RSAD1: variants seen among roughly 807,000 people sequenced by gnomAD.
The protein encoded by RSAD1 is radical S-adenosyl methionine domain-containing protein 1, mitochondrial.
RSAD1 carries 34 observed loss-of-function variants against 46.2 expected under a neutral mutation model. The observed-to-expected ratio is 0.74, with a 90% CI of 0.56 to 0.98. The LOEUF (loss-of-function observed/expected upper bound fraction) is 0.98. Ranked by LOEUF, RSAD1 falls within the 50% of genes least tolerant of loss-of-function variation. RSAD1 has a pLI of 0.00. For missense variants in RSAD1, 635 were observed against 592.3 expected (o/e 1.07, Z -0.75); for synonymous variants, 260 against 253.5 (o/e 1.03, Z -0.24).
At chr17:50,479,159 T>G (rs551264227) in intron 1 of RSAD1, 140 bp downstream of exon 1, 2 of 925,572 alleles carry the variant, frequency 2.2e-6, no homozygotes, top group South Asian at 7.5e-5. Flanking sequence ...AGGTCTGGGA[T>G]GGGACCCTGT....
chr17:50,480,904 A>G (rs116062541), intron 3 of RSAD1, among the ~76,000 whole-genome samples: 2,879 of 152,228 alleles, frequency 0.019, 101 homozygotes, highest in African/African-American at 0.066. Context: ...TTACAAAATT[A>G]TTGTGGTAAG....
chr17:50,484,713 G>T (rs1287304884), intron 8 of RSAD1, 31 bp from the exon 9 acceptor site: 29 of 1,593,782 alleles, frequency 1.8e-5, no homozygotes, highest in Non-Finnish European at 2.5e-5. Context: ...GTAAGATGAA[G>T]TAGTCACCTT....
chr17:50,482,563 T>G, intron 4 of RSAD1, 80 bp from the exon 5 acceptor site: 2 of 1,612,726 alleles, frequency 1.2e-6, no homozygotes, highest in Non-Finnish European at 1.7e-6. Context: ...TGGTGGGACA[T>G]TCTAACCTGG....
At chr17:50,480,786 T>C (rs1480650904) in intron 3 of RSAD1, among the ~76,000 whole-genome samples, 1 of 152,246 alleles carries the variant, frequency 6.6e-6, no homozygotes, top group African/African-American at 2.4e-5. Flanking sequence ...GGTTGTGGGC[T>C]TTGTTCTGAT....
Position 50,485,477 on chromosome 17 carries a change from C to T in RSAD1, c.*616C>T, listed in dbSNP as rs2033441763. Reference sequence around the variant, plus strand: ...ACTGGAAAATGCTCAGAAGATGCTACAAAACCTCATGCCTACTGTCTGCCA... The same window carrying T: ...ACTGGAAAATGCTCAGAAGATGCTATAAAACCTCATGCCTACTGTCTGCCA... On this transcript the variant is annotated 3_prime_UTR_variant, in exon 9 of 9. Transcript: ENST00000258955. 1 of 152,360 alleles carries T rather than the reference C, an allele frequency of 6.6e-6. No homozygotes were observed. Among genetic ancestry groups the T allele is most frequent in the Non-Finnish European group, 1.5e-5 (1 of 68,144 alleles). The allele number at this position is 152,360 out of a possible 1,614,324, so 9.4% of individuals were successfully genotyped here. A position where few individuals can be genotyped will look rare whatever the true frequency, so the allele number is the denominator to read the frequency against.
chr17:50,480,207 G>A (rs1260069358), intron 3 of RSAD1, 123 bp downstream of exon 3: 1 of 945,464 alleles, frequency 1.1e-6, no homozygotes, highest in Non-Finnish European at 1.7e-6. Flanking sequence ...GGACACAGTA[G>A]GGCCTAGTGC....
In RSAD1 at chr17:50,482,354, A is replaced by G. The variant is rs754824851; in HGVS notation, c.738A>G (p.Pro246=). ...LFAQVQRGAL[P]APDPELAAEM... ...CCCAGGTGCAGCGGGGTGCCCTTCCAGCCCCTGACCCGGAGCTCGCAGCTG... is the reference window on the plus strand; with the variant it reads ...CCCAGGTGCAGCGGGGTGCCCTTCCGGCCCCTGACCCGGAGCTCGCAGCTG... Residue 246 remains proline, a synonymous_variant, in exon 4 of 9, where the codon CCA becomes CCG. Transcript: ENST00000258955. 6.2e-7 allele frequency: 1 copy of G among 1,612,126 alleles called. No individual in the cohort carries two copies. Among genetic ancestry groups the G allele is most frequent in the Non-Finnish European group, 8.5e-7 (1 of 1,179,170 alleles).
At chr17:50,483,189 A>AAT in intron 5 of RSAD1, 151 bp from the exon 6 acceptor site, 2 of 264,318 alleles carry the variant, frequency 7.6e-6, no homozygotes, top group Non-Finnish European at 1.1e-5. Context: ...AAAAAAAAAA[A>AAT]AAAGAAAGAA....
rs763441041 is a variant in RSAD1 at position 50,479,612 on chromosome 17, G to A, written c.136-17G>A. On this transcript the variant is annotated splice_polypyrimidine_tract_variant and intron_variant, in intron 1 of 8. Transcript: ENST00000258955. ...CCAGGGCAGCTCTCACCGCGCACGT[G>A]CACTCACTGCCCCCAGTGGCCTTAC... 1.9e-5 allele frequency: 31 copies of A among 1,613,182 alleles called. No homozygotes were observed. Among genetic ancestry groups the A allele is most frequent in the Middle Eastern group, 3.3e-4 (2 of 6,060 alleles).
In RSAD1 at chr17:50,482,235, C is replaced by T. The variant is rs774990479; in HGVS notation, c.619C>T (p.Pro207Ser). 1 of 1,570,186 alleles carries T rather than the reference C, an allele frequency of 6.4e-7. No individual in the cohort carries two copies. Among genetic ancestry groups the T allele is most frequent in the East Asian group, 2.3e-5 (1 of 44,166 alleles). Reference sequence around the variant, plus strand: ...GGGGCTGCCGGCACAGCAGGTGGGGCCGTGGCTTGGGCAGCTGCAGGAACT... The same window carrying T: ...GGGGCTGCCGGCACAGCAGGTGGGGTCGTGGCTTGGGCAGCTGCAGGAACT... ...MLGLPAQQVG[P>S]WLGQLQELLH... The change falls in exon 4 of 9, where the codon CCG (proline) becomes TCG (serine). Residue 207 changes from proline to serine, a missense_variant. By Grantham distance (74) the Pro-to-Ser change is moderately conservative. Coordinates refer to ENST00000258955, the MANE Select transcript of RSAD1 (RefSeq NM_018346.3).
Position 50,484,491 on chromosome 17 carries a change from C to T in RSAD1, c.1157C>T (p.Ala386Val), listed in dbSNP as rs748414626. 38 of 1,613,586 alleles carry T rather than the reference C, an allele frequency of 2.4e-5. No individual in the cohort carries two copies. The highest frequency in any genetic ancestry group is 1.2e-4 in the South Asian group (11 of 91,090). ...PQLTLWDVFG[A>V]NKEVQELLER... ...CTGACCCTGTGGGATGTGTTTGGAG[C>T]GAACAAGGAGGTGCAGGAGCTGCTG... Residue 386 changes from alanine to valine, a missense_variant, in exon 8 of 9, where the codon GCG (alanine) becomes GTG (valine). Physicochemically the swap from Ala to Val is moderately conservative, Grantham distance 64. Transcript: ENST00000258955.
At chr17:50,482,023 C>A (rs994544546) in intron 3 of RSAD1, 68 bp from the exon 4 acceptor site, 3 of 1,471,886 alleles carry the variant, frequency 2.0e-6, no homozygotes, top group Admixed American at 2.5e-5. Flanking sequence ...TCTGTGTCTA[C>A]AATGGGGAGG....
intron 3 of RSAD1, 150 bp downstream of exon 3, chr17:50,480,234 C>T (rs2033367110): frequency 1.4e-6 from 1 of 721,532 alleles, no homozygotes; most frequent in South Asian, 1.7e-5. Flanking sequence ...TTTATAACTC[C>T]TTAATTGTCT....
intron 3 of RSAD1, chr17:50,480,297 C>T: frequency 1.7e-6 from 1 of 584,996 alleles, no homozygotes; most frequent in Admixed American, 3.0e-5. Flanking sequence ...TGTGGCTTTT[C>T]TATTTCAAAC....
rs763094081 is a variant in RSAD1, at chr17:50,483,340, G to A, written c.905G>A (p.Gly302Glu). Residue 302 changes from glycine (G) to glutamate (E), a missense_variant and splice_region_variant, in exon 6 of 9, where the codon GGG becomes GAG. By Grantham distance (98) the Gly-to-Glu change is moderately conservative (BLOSUM62 -2). Coordinates refer to ENST00000258955, the MANE Select transcript of RSAD1 (RefSeq NM_018346.3). ...TGGGGATGGTTGTTGATGTTGTCAG[G>A]GGCCCATGGACGATTTATGCCCCAG... Reference protein sequence around the residue: ...QCGQYLGVGPGAHGRFMPQGA... With the variant: ...QCGQYLGVGPEAHGRFMPQGA... 8.7e-6 allele frequency: 14 copies of A among 1,613,512 alleles called. No homozygotes were observed. The South Asian group carries it at 1.4e-4, about 16-fold the overall frequency.
chr17:50,482,601 G>A (rs1403869685), intron 4 of RSAD1, 42 bp from the exon 5 acceptor site: 5 of 1,613,562 alleles, frequency 3.1e-6, no homozygotes, highest in Non-Finnish European at 3.4e-6. Context: ...TAAAAATGAG[G>A]CCTGCCCTCT....
rs1408307041 is a variant in RSAD1, at chr17:50,479,732, A to AG, written c.240dup (p.Thr81AspfsTer53). 7 of 1,612,296 alleles carry AG rather than the reference A, an allele frequency of 4.3e-6. No homozygotes were observed. Among genetic ancestry groups the AG allele is most frequent in the African/African-American group, 1.3e-5 (1 of 74,936 alleles). On this transcript the variant is annotated frameshift_variant, in exon 2 of 9. Transcript: ENST00000258955. LOFTEE classifies it high-confidence loss of function. ...CAGAAGTGTCTGGTGACCGAAGCTC[A>AG]GACGCTGCTGCGGCTCAGCGGGGTG...
chr17:50,480,986 A>G (rs933014414), intron 3 of RSAD1, among the ~76,000 whole-genome samples: 4 of 152,232 alleles, frequency 2.6e-5, no homozygotes, highest in African/African-American at 7.2e-5. Flanking sequence ...CTATAAGCAC[A>G]GTGTTATACA....
chr17:50,483,830 A>ACC (rs372835055), intron 7 of RSAD1, 70 bp downstream of exon 7: 30 of 1,352,754 alleles, frequency 2.2e-5, no homozygotes, highest in South Asian at 1.1e-4. Flanking sequence ...CCTCCCTGCC[A>ACC]CCCCCCCCAC....
Sources: allele counts gnomAD v4.1 joint callset (sites outside exome capture counted in the v4.1 genomes callset), GRCh38; gene constraint gnomAD v4.1.1; transcripts MANE v1.5; gene names NCBI Gene and HGNC (gene_info 2026-07-23, HGNC 2026-07-21).